The following RARB variants were observed in gnomAD, a reference collection of about 807,000 sequenced individuals.
RARB encodes retinoic acid receptor beta.
A neutral mutation model predicts 51.9 loss-of-function variants in RARB; 17 were observed. That is an observed-to-expected ratio of 0.33 (90% CI 0.22 to 0.49). The LOEUF (loss-of-function observed/expected upper bound fraction) is 0.49. Ranked by LOEUF, RARB falls within the 20% of genes least tolerant of loss-of-function variation. The pLI is 0.99. For missense variants in RARB, 369 were observed against 550.8 expected (o/e 0.67, Z 3.30); for synonymous variants, 215 against 195.4 (o/e 1.10, Z -0.84).
chr3:25,597,781 T>G lies in RARB; in HGVS notation c.*1165T>G, dbSNP rs1277092560. On this transcript the variant is annotated 3_prime_UTR_variant, in exon 8 of 8. Coordinates refer to ENST00000330688, the MANE Select transcript of RARB (RefSeq NM_000965.5). ...TCATTTAAGCACTAGTGGAATTTTT[T>G]TTTTTTGATATATTAGCAAGTCTGT... 1 of 152,448 alleles carries G rather than the reference T, an allele frequency of 6.6e-6. No individual in the cohort carries two copies. The highest frequency in any genetic ancestry group is 1.5e-5 in the Non-Finnish European group (1 of 68,006). The allele number at this position is 152,448 out of a possible 1,614,324, so 9.4% of individuals were successfully genotyped here.
chr3:25,276,352 C>G (rs1372123610), intron 5 of RARB, among the ~76,000 whole-genome samples: 1 of 151,982 alleles, frequency 6.6e-6, no homozygotes, highest in African/African-American at 2.4e-5. Flanking sequence ...GCTAACTACC[C>G]TGATTTGATC....
At chr3:25,482,376 A>G (rs1696264012) in intron 2 of RARB, among the ~76,000 whole-genome samples, 1 of 152,094 alleles carries the variant, frequency 6.6e-6, no homozygotes, top group African/African-American at 2.4e-5. Context: ...AAAAATAATC[A>G]TTTTGGTCAA....
intron 5 of RARB, among the ~76,000 whole-genome samples, chr3:25,177,340 A>AG (rs1279387679): frequency 1.3e-5 from 2 of 152,236 alleles, no homozygotes; most frequent in Non-Finnish European, 2.9e-5. Context: ...ATTAGTAGGA[A>AG]GGTAGCCAAA....
chr3:24,892,009 G>C (rs559358133), intron 2 of RARB, among the ~76,000 whole-genome samples: 1 of 152,006 alleles, frequency 6.6e-6, no homozygotes, highest in African/African-American at 2.4e-5. Context: ...CAGAGAATAC[G>C]GGTCCCGTGC....
At chr3:25,000,872 A>G (rs901368006) in intron 2 of RARB, among the ~76,000 whole-genome samples, 5 of 152,142 alleles carry the variant, frequency 3.3e-5, no homozygotes, top group African/African-American at 1.2e-4. Context: ...CATTAAGAGC[A>G]CTCATGAAGA....
intron 4 of RARB, among the ~76,000 whole-genome samples, chr3:25,165,698 T>C (rs1383147236): frequency 1.3e-5 from 2 of 152,184 alleles, no homozygotes; most frequent in South Asian, 2.1e-4. Context: ...TTTGGGAATA[T>C]ACATGAAAAG....
chr3:24,969,122 T>C (rs1696339432), intron 2 of RARB, among the ~76,000 whole-genome samples: 1 of 152,124 alleles, frequency 6.6e-6, no homozygotes, highest in African/African-American at 2.4e-5. Flanking sequence ...GTAAAGCTTC[T>C]GAAGTTGTAT....
At chr3:24,916,137 G>C (rs1418366897) in intron 2 of RARB, among the ~76,000 whole-genome samples, 1 of 152,122 alleles carries the variant, frequency 6.6e-6, no homozygotes, top group Non-Finnish European at 1.5e-5. Flanking sequence ...AGATGTCTGT[G>C]TTTATGTCTG....
At chr3:25,444,507 T>C (rs954206462) in intron 1 of RARB, among the ~76,000 whole-genome samples, 2 of 152,340 alleles carry the variant, frequency 1.3e-5, no homozygotes, top group Non-Finnish European at 1.5e-5. Context: ...ATCAGGCTTA[T>C]TATTTACAGA....
At chr3:25,148,474 G>C (rs1341944684) in intron 4 of RARB, among the ~76,000 whole-genome samples, 1 of 152,166 alleles carries the variant, frequency 6.6e-6, no homozygotes, top group Non-Finnish European at 1.5e-5. Flanking sequence ...TCTTTTAAGG[G>C]TTTTTATAGC....
chr3:25,277,360 A>G (rs1368363016), intron 5 of RARB, among the ~76,000 whole-genome samples: 1 of 152,174 alleles, frequency 6.6e-6, no homozygotes, highest in East Asian at 1.9e-4. Flanking sequence ...AGGAGCTCCA[A>G]AGAACTCCAG....
At chr3:24,920,199 G>A (rs1695189001) in intron 2 of RARB, among the ~76,000 whole-genome samples, 1 of 152,158 alleles carries the variant, frequency 6.6e-6, no homozygotes, top group African/African-American at 2.4e-5. Flanking sequence ...AGCACCATTT[G>A]CATACAAATA....
intron 3 of RARB, among the ~76,000 whole-genome samples, chr3:25,556,973 T>C (rs1313154407): frequency 3.9e-5 from 6 of 152,264 alleles, no homozygotes; most frequent in Non-Finnish European, 7.3e-5. Flanking sequence ...TTTCTCATAG[T>C]AATTCTTGTA....
exon 5 of RARB, chr3:25,174,443 C>T: frequency 1.5e-6 from 2 of 1,352,124 alleles, no homozygotes; most frequent in South Asian, 2.3e-5. Context: ...AGTGAACGGA[C>T]ACATGACTCA....
intron 5 of RARB, among the ~76,000 whole-genome samples, chr3:25,190,206 G>A (rs60985445): frequency 0.13 from 2,007 of 15,608 alleles, 50 homozygotes; most frequent in African/African-American, 0.37. Flanking sequence ...GGATTCAAGA[G>A]TTAAATTTTC....
At chr3:25,233,769 T>G (rs77176311) in intron 5 of RARB, among the ~76,000 whole-genome samples, 3,087 of 150,908 alleles carry the variant, frequency 0.02, 93 homozygotes, top group African/African-American at 0.068. Flanking sequence ...GGTTGTTGTT[T>G]TTTTTTTTTT....
intron 4 of RARB, among the ~76,000 whole-genome samples, chr3:25,138,865 T>G (rs889433024): frequency 1.3e-5 from 2 of 152,194 alleles, no homozygotes; most frequent in Admixed American, 1.3e-4. Flanking sequence ...TGAAGGCTTG[T>G]GGCAACCCTG....
At chr3:25,380,308 G>T (rs528211910) in intron 5 of RARB, among the ~76,000 whole-genome samples, 4 of 152,108 alleles carry the variant, frequency 2.6e-5, no homozygotes, top group African/African-American at 7.2e-5. Flanking sequence ...CTCCGTACCC[G>T]TTGGGTGAAC....
At chr3:25,034,469 T>C (rs867034735) in intron 2 of RARB, among the ~76,000 whole-genome samples, 2 of 152,184 alleles carry the variant, frequency 1.3e-5, no homozygotes, top group South Asian at 2.1e-4. Context: ...AGTGGATAGA[T>C]GGAAAAGTGT....
Sources: allele counts gnomAD v4.1 joint callset (sites outside exome capture counted in the v4.1 genomes callset), GRCh38; gene constraint gnomAD v4.1.1; transcripts MANE v1.5; gene names NCBI Gene and HGNC (gene_info 2026-07-23, HGNC 2026-07-21).